The following WDR25 variants were observed in gnomAD, a reference collection of about 807,000 sequenced individuals.
The protein encoded by WDR25 is WD repeat-containing protein 25.
Under a neutral mutation model 47.7 loss-of-function variants are expected in WDR25, and 35 were observed. The observed-to-expected ratio is 0.73, with a 90% CI of 0.56 to 0.97. The LOEUF (loss-of-function observed/expected upper bound fraction) is 0.97. WDR25 is among the 50% of genes least tolerant of loss of function. The pLI, the probability that WDR25 is intolerant of heterozygous loss-of-function variation, is 0.00. For missense variants in WDR25, 634 were observed against 704.7 expected (o/e 0.90, Z 1.14); for synonymous variants, 248 against 278.9 (o/e 0.89, Z 1.10).
intron 4 of WDR25, among the ~76,000 whole-genome samples, chr14:100,485,917 A>T (rs1900366811): frequency 6.6e-6 from 1 of 152,194 alleles, no homozygotes; most frequent in Non-Finnish European, 1.5e-5. Context: ...TAAAGTACTC[A>T]CAAGTGGGAG....
In WDR25 at chr14:100,506,418, G is replaced by T. The variant is rs1399967640; in HGVS notation, c.1102-19452G>T. On this transcript the variant is annotated intron_variant, in intron 4 of 6. Coordinates refer to ENST00000402312, the MANE Select transcript of WDR25 (RefSeq NM_001161476.3). This position sits in a 1 kb window ranked among gnomAD's most constrained non-coding sequence, Gnocchi z 4.8. ...TTTGGTAGAATAACATTTTCTTTTG[G>T]ATATATACCCAGTAATGGGATTGCT... Among the ~76,000 whole-genome samples, 1 of 152,116 alleles carries T rather than the reference G, an allele frequency of 6.6e-6. No individual in the cohort carries two copies. Among genetic ancestry groups the T allele is most frequent in the Non-Finnish European group, 1.5e-5 (1 of 68,010 alleles).
intron 4 of WDR25, among the ~76,000 whole-genome samples, chr14:100,512,980 GA>G (rs1304563600): frequency 1.3e-5 from 2 of 152,050 alleles, no homozygotes; most frequent in South Asian, 4.1e-4. Flanking sequence ...AATTTATTTA[GA>G]TTTTTTTGAT....
At position 100,392,682 on chromosome 14, in the gene WDR25, G is replaced by A. The variant is rs985351287; in HGVS notation, c.822+10936G>A. Among the ~76,000 whole-genome samples the A allele has an allele frequency of 2.6e-5, 4 of 152,102 alleles. No individual in the cohort carries two copies. Among genetic ancestry groups the A allele is most frequent in the African/African-American group, 4.8e-5 (2 of 41,408 alleles). On this transcript the variant is annotated intron_variant, in intron 2 of 6. Coordinates refer to ENST00000402312, the MANE Select transcript of WDR25 (RefSeq NM_001161476.3). The surrounding 1 kb of genome is among the most constrained non-coding windows in gnomAD (Gnocchi z 4.2). ...CCCGCGCCACACTGTGCCACCAGCC[G>A]CCTCTGCGTCTTTGGAGGGCCGTCA...
intron 2 of WDR25, among the ~76,000 whole-genome samples, chr14:100,465,520 T>G (rs1310800791): frequency 1.3e-5 from 2 of 152,276 alleles, no homozygotes; most frequent in Admixed American, 6.5e-5. Context: ...TCATCCATGT[T>G]GTAGCAAGTG....
chr14:100,474,494 C>T (rs1233805073), intron 3 of WDR25, among the ~76,000 whole-genome samples: 1 of 152,194 alleles, frequency 6.6e-6, no homozygotes, highest in African/African-American at 2.4e-5. Flanking sequence ...GTTGCAGCTG[C>T]ATCACAGTTT....
In WDR25 at chr14:100,381,423, A is replaced by G; in HGVS notation, c.499A>G (p.Lys167Glu). Residue 167 changes from lysine (K) to glutamate (E), a missense_variant, in exon 2 of 7, where the codon AAA (lysine) becomes GAA (glutamate). Physicochemically the swap from Lys to Glu is moderately conservative, Grantham distance 56. Coordinates refer to ENST00000402312, the MANE Select transcript of WDR25 (RefSeq NM_001161476.3). ...VGKNGSSFQK[K>E]KCEDCVVPYT... ...TAAAAATGGCAGCTCTTTTCAGAAG[A>G]AAAAATGTGAGGACTGTGTGGTACC... 6.2e-7 allele frequency: 1 copy of G among 1,614,190 alleles called. No homozygotes were observed. Among genetic ancestry groups the G allele is most frequent in the African/African-American group, 1.3e-5 (1 of 75,048 alleles).
intron 1 of WDR25, among the ~76,000 whole-genome samples, chr14:100,379,365 G>A (rs1896813180): frequency 6.6e-6 from 1 of 150,746 alleles, no homozygotes; most frequent in Admixed American, 6.6e-5. Flanking sequence ...TGTAGGCATT[G>A]TCTCTTCAGG....
chr14:100,458,030 A>T (rs1899261732), intron 2 of WDR25, among the ~76,000 whole-genome samples: 1 of 152,224 alleles, frequency 6.6e-6, no homozygotes, highest in African/African-American at 2.4e-5. Flanking sequence ...TGGGATAAAA[A>T]CAAATAACAA....
chr14:100,457,313 A>T (rs965492388), intron 2 of WDR25, among the ~76,000 whole-genome samples: 15 of 152,230 alleles, frequency 9.9e-5, no homozygotes, highest in Non-Finnish European at 5.9e-5. Context: ...CAGAAGGGGG[A>T]ACAAGGCACA....
At chr14:100,441,988 G>C (rs1898685350) in intron 2 of WDR25, among the ~76,000 whole-genome samples, 1 of 152,242 alleles carries the variant, frequency 6.6e-6, no homozygotes, top group Non-Finnish European at 1.5e-5. Flanking sequence ...GAGAGGCAGA[G>C]AGAAGATCTG....
At chr14:100,516,159 G>A (rs1293749739) in intron 4 of WDR25, among the ~76,000 whole-genome samples, 1 of 151,996 alleles carries the variant, frequency 6.6e-6, no homozygotes, top group Non-Finnish European at 1.5e-5. Flanking sequence ...GCTTGATAAC[G>A]GTTTGATTTT....
At position 100,449,487 on chromosome 14, in the gene WDR25, T is replaced by C. The variant is rs1308263514; in HGVS notation, c.823-18534T>C. Among the ~76,000 whole-genome samples, 1 of 152,088 alleles carries C rather than the reference T, an allele frequency of 6.6e-6. No homozygotes were observed. Among genetic ancestry groups the C allele is most frequent in the Non-Finnish European group, 1.5e-5 (1 of 68,020 alleles). The stretch of plus-strand genomic sequence containing the variant: ...GCCCTGGCTGGCTGTTGCATTGGGG[T>C]GGGAGAGGCTGTCTCAGCTGGGTCT... On this transcript the variant is annotated intron_variant, in intron 2 of 6. Transcript: ENST00000402312. This position sits in a 1 kb window ranked among gnomAD's most constrained non-coding sequence, Gnocchi z 4.2.
chr14:100,500,899 G>C lies in WDR25; in HGVS notation c.1101+16775G>C, dbSNP rs1900900159. On this transcript the variant is annotated intron_variant, in intron 4 of 6. Transcript: ENST00000402312. This position sits in a 1 kb window ranked among gnomAD's most constrained non-coding sequence, Gnocchi z 4.7. ...TCAACACACAAATACATGTGTAATT[G>C]TCTATTTCTGCTTTTCTTCCTTTCC... is the stretch of plus-strand genomic sequence containing the variant. Among the ~76,000 whole-genome samples the C allele has an allele frequency of 6.6e-6, 1 of 152,140 alleles. No homozygotes were observed. The highest frequency in any genetic ancestry group is 1.5e-5 in the Non-Finnish European group (1 of 68,028).
chr14:100,497,410 C>T (rs1482064420), intron 4 of WDR25, among the ~76,000 whole-genome samples: 3 of 151,998 alleles, frequency 2.0e-5, no homozygotes, highest in Admixed American at 1.3e-4. Context: ...TTGAAGCTGC[C>T]AGCACAGCTC....
rs1021492255 is a variant in WDR25 at position 100,488,240 on chromosome 14, C to G, written c.1101+4116C>G. Among the ~76,000 whole-genome samples, 1 of 152,142 alleles carries G rather than the reference C, an allele frequency of 6.6e-6. No individual in the cohort carries two copies. Among genetic ancestry groups the G allele is most frequent in the Non-Finnish European group, 1.5e-5 (1 of 68,030 alleles). On this transcript the variant is annotated intron_variant, in intron 4 of 6. Coordinates refer to ENST00000402312, the MANE Select transcript of WDR25 (RefSeq NM_001161476.3). This position sits in a 1 kb window ranked among gnomAD's most constrained non-coding sequence, Gnocchi z 4.2. ...ATGTGTTCTGCACAAGCCAGCTGTG[C>G]GTACTTACTTGAAACTGGCTTCCTG...
chr14:100,379,178 G>T (rs1470598542), intron 1 of WDR25, among the ~76,000 whole-genome samples: 1 of 151,994 alleles, frequency 6.6e-6, no homozygotes, highest in African/African-American at 2.4e-5. Context: ...AGTGCGGCAG[G>T]TTTTCTTTAT....
At chr14:100,388,016 A>G (rs2140147452) in intron 2 of WDR25, among the ~76,000 whole-genome samples, 1 of 152,386 alleles carries the variant, frequency 6.6e-6, no homozygotes, top group East Asian at 1.9e-4. Context: ...ACATTCAAAG[A>G]CAAGGGATTT....
At chr14:100,478,822 C>G (rs942800713) in intron 3 of WDR25, among the ~76,000 whole-genome samples, 1 of 152,162 alleles carries the variant, frequency 6.6e-6, no homozygotes, top group Non-Finnish European at 1.5e-5. Context: ...GTTGGCAAGA[C>G]TGTATCACTG....
intron 4 of WDR25, among the ~76,000 whole-genome samples, chr14:100,495,086 G>A (rs1028592855): frequency 6.6e-6 from 1 of 152,246 alleles, no homozygotes; most frequent in Non-Finnish European, 1.5e-5. Flanking sequence ...GCTGGGCGTG[G>A]TGGCTCACGC....
Sources: allele counts gnomAD v4.1 joint callset (sites outside exome capture counted in the v4.1 genomes callset), GRCh38; gene constraint gnomAD v4.1.1; non-coding constraint Gnocchi (gnomAD v3.1); transcripts MANE v1.5; gene names NCBI Gene and HGNC (gene_info 2026-07-23, HGNC 2026-07-21).